The following RBFOX1 variants were observed in gnomAD, a reference collection of about 807,000 sequenced individuals.
RBFOX1 encodes RNA binding protein fox-1 homolog 1.
A neutral mutation model predicts 57.7 loss-of-function variants in RBFOX1; 8 were observed. The observed-to-expected ratio is 0.14, with a 90% CI of 0.08 to 0.25. The LOEUF (loss-of-function observed/expected upper bound fraction) is 0.25. Among genes scored for constraint, RBFOX1 ranks in the 10% least tolerant of loss-of-function variants. RBFOX1 has a pLI of 1.00. For missense variants in RBFOX1, 611 were observed against 548.5 expected, an observed-to-expected ratio of 1.11 and a Z score of -1.14; for synonymous variants, 326 against 222.4, an observed-to-expected ratio of 1.47 and a Z score of -4.15.
intron 3 of RBFOX1, among the ~76,000 whole-genome samples, chr16:6,946,587 CT>C (rs917262285): frequency 5.3e-5 from 8 of 152,100 alleles, no homozygotes; most frequent in African/African-American, 1.7e-4. Context: ...CTCCAAGAAC[CT>C]TTTTTTCATT....
At chr16:6,368,538 C>T (rs1418215453) in intron 2 of RBFOX1, among the ~76,000 whole-genome samples, 1 of 152,196 alleles carries the variant, frequency 6.6e-6, no homozygotes, top group Non-Finnish European at 1.5e-5. Flanking sequence ...CATGGAACCT[C>T]CTTTATTTCT....
chr16:6,382,883 C>G (rs889306938), intron 2 of RBFOX1, among the ~76,000 whole-genome samples: 6 of 152,094 alleles, frequency 3.9e-5, no homozygotes, highest in African/African-American at 1.2e-4. Context: ...CTTTTACTCT[C>G]AAGCCCACTG....
At chr16:6,591,553 G>A (rs2097710976) in intron 2 of RBFOX1, among the ~76,000 whole-genome samples, 1 of 152,206 alleles carries the variant, frequency 6.6e-6, no homozygotes, top group South Asian at 2.1e-4. Context: ...TCCTGGTAGA[G>A]CTGGGAGAGG....
At chr16:5,510,654 G>T (rs1179369101) in intron 2 of RBFOX1, among the ~76,000 whole-genome samples, 1 of 152,166 alleles carries the variant, frequency 6.6e-6, no homozygotes, top group Non-Finnish European at 1.5e-5. Context: ...TAATAGCAGG[G>T]TTTTCCTTGT....
intron 3 of RBFOX1, among the ~76,000 whole-genome samples, chr16:5,608,567 T>C (rs1477632297): frequency 2.0e-5 from 3 of 152,230 alleles, no homozygotes; most frequent in Non-Finnish European, 4.4e-5. Flanking sequence ...CAAATTGTTA[T>C]GAGGATTCAA....
intron 3 of RBFOX1, among the ~76,000 whole-genome samples, chr16:6,923,140 C>G (rs368720024): frequency 1.3e-5 from 2 of 152,310 alleles, no homozygotes; most frequent in South Asian, 4.1e-4. Context: ...AGGAAAGCAG[C>G]TGGTCCAGTG....
At chr16:7,588,572 C>A (rs2094258441) in intron 7 of RBFOX1, among the ~76,000 whole-genome samples, 1 of 152,172 alleles carries the variant, frequency 6.6e-6, no homozygotes, top group South Asian at 2.1e-4. Flanking sequence ...TTCCCTTCTC[C>A]TTGCATCCTC....
Position 5,314,536 on chromosome 16 carries a change from T to G in RBFOX1, c.219+74431T>G, listed in dbSNP as rs1157338422. ...TCTTTTTTGAGACTGGATCTCACTC[T>G]GTTGCCCAGGCTGGCGTGCAGTGGT... On this transcript the variant is annotated intron_variant, in intron 1 of 2. Transcript: ENST00000585867. Among the ~76,000 whole-genome samples the G allele has an allele frequency of 9.2e-5, 14 of 152,244 alleles. No individual in the cohort carries two copies. The South Asian group carries it at 2.9e-3, about 32-fold the overall frequency.
intron 4 of RBFOX1, among the ~76,000 whole-genome samples, chr16:7,058,005 GGAAAAAAA>G (rs1414798943): frequency 2.5e-5 from 3 of 121,618 alleles, no homozygotes; most frequent in Non-Finnish European, 5.0e-5. Flanking sequence ...GAGACTGTGG[GGAAAAAAA>G]AAAAAAAAAC....
At chr16:5,850,124 A>AT (rs1453038053) in intron 3 of RBFOX1, among the ~76,000 whole-genome samples, 2 of 152,102 alleles carry the variant, frequency 1.3e-5, no homozygotes, top group African/African-American at 4.8e-5. Context: ...AGACTCAGCA[A>AT]TTCAGTGGCT....
At chr16:5,523,027 C>T (rs1329196582) in intron 2 of RBFOX1, among the ~76,000 whole-genome samples, 1 of 152,120 alleles carries the variant, frequency 6.6e-6, no homozygotes, top group African/African-American at 2.4e-5. Context: ...GTTACTCACA[C>T]CTGTAATACC....
At chr16:6,610,628 C>G (rs2098032820) in intron 2 of RBFOX1, among the ~76,000 whole-genome samples, 1 of 152,142 alleles carries the variant, frequency 6.6e-6, no homozygotes, top group Admixed American at 6.5e-5. Context: ...CTACACCCCA[C>G]CCGATCAACA....
At chr16:7,433,811 C>T (rs1241752908) in intron 4 of RBFOX1, among the ~76,000 whole-genome samples, 2 of 151,788 alleles carry the variant, frequency 1.3e-5, no homozygotes, top group African/African-American at 4.9e-5. Flanking sequence ...GCCAGCCAGC[C>T]TTTCTAAAAA....
intron 3 of RBFOX1, among the ~76,000 whole-genome samples, chr16:6,860,976 G>C (rs1382266090): frequency 6.6e-6 from 1 of 152,128 alleles, no homozygotes; most frequent in African/African-American, 2.4e-5. Context: ...AAACGAGATA[G>C]AGCTATGTGG....
intron 14 of RBFOX1, among the ~76,000 whole-genome samples, chr16:7,706,429 A>T (rs1227252727): frequency 6.6e-6 from 1 of 152,198 alleles, no homozygotes; most frequent in African/African-American, 2.4e-5. Context: ...ACAAAGGTTG[A>T]AACTATGCCC....
chr16:7,229,449 C>T (rs2093348502), intron 4 of RBFOX1, among the ~76,000 whole-genome samples: 1 of 150,980 alleles, frequency 6.6e-6, no homozygotes, highest in Non-Finnish European at 1.5e-5. Flanking sequence ...TAGATGATGT[C>T]CTTATTCAGA....
chr16:6,874,191 A>AC, intron 3 of RBFOX1, among the ~76,000 whole-genome samples: 1 of 151,868 alleles, frequency 6.6e-6, no homozygotes, highest in African/African-American at 2.4e-5. Flanking sequence ...ATACACACAC[A>AC]AACACATGCT....
chr16:5,366,285 G>T, intron 1 of RBFOX1: 1 of 375,902 alleles, frequency 2.7e-6, no homozygotes, highest in Non-Finnish European at 5.1e-6. Context: ...AGATGATGCT[G>T]GTCATGACGA....
chr16:7,149,588 A>G (rs1158085213), intron 4 of RBFOX1, among the ~76,000 whole-genome samples: 8 of 150,522 alleles, frequency 5.3e-5, no homozygotes, highest in African/African-American at 1.7e-4. Context: ...CAGGCTCAAA[A>G]GATCCTCTCA....
Sources: gnomAD v4.1 joint callset for allele counts (sites outside exome capture counted in the v4.1 genomes callset) on GRCh38, gnomAD v4.1.1 for gene constraint, MANE v1.5 for transcripts, NCBI Gene and HGNC (gene_info 2026-07-23, HGNC 2026-07-21) for gene names.